The following GAGE10 variants were observed in gnomAD, a reference collection of about 807,000 sequenced individuals.
GAGE10 encodes the protein G antigen 10.
In GAGE10, 9 loss-of-function variants were observed where a neutral mutation model predicts 11.5. That is an observed-to-expected ratio of 0.78 (90% CI 0.47 to 1.37). The LOEUF is 1.37. Among genes scored for constraint, GAGE10 ranks in the 40% most tolerant of loss-of-function variants. GAGE10 has a pLI of 0.00. For synonymous variants in GAGE10, 23 were observed against 29.7 expected (o/e 0.77, Z 0.73); for missense variants, 83 against 92.9 (o/e 0.89, Z 0.44).
chrX:49,308,184 A>G (rs1156716771), intron 3 of GAGE10, among the ~76,000 whole-genome samples: 3 of 112,510 alleles, frequency 2.7e-5, no homozygotes, highest in Non-Finnish European at 5.6e-5. Context: ...TTGGATGTTA[A>G]TCTGACTAGG....
At chrX:49,310,794 A>G (rs782405957) in intron 3 of GAGE10, among the ~76,000 whole-genome samples, 29 of 111,165 alleles carry the variant, frequency 2.6e-4, no homozygotes, top group African/African-American at 9.2e-4. Context: ...CGTAGGGGGT[A>G]CAGGGGCCAA....
At chrX:49,316,817 T>G (rs1299941342) in intron 3 of GAGE10, among the ~76,000 whole-genome samples, 1 of 111,316 alleles carries the variant, frequency 9.0e-6, no homozygotes, top group Non-Finnish European at 1.9e-5. Flanking sequence ...TCATGCCATA[T>G]AACAGTCTAA....
intron 1 of GAGE10, among the ~76,000 whole-genome samples, chrX:49,304,109 C>T (rs1340514201): frequency 9.0e-6 from 1 of 111,677 alleles, no homozygotes; most frequent in East Asian, 2.8e-4. Flanking sequence ...CAGGAATACC[C>T]GATACAGGGG....
intron 3 of GAGE10, among the ~76,000 whole-genome samples, chrX:49,310,459 A>G (rs1557124606): frequency 2.7e-5 from 3 of 111,699 alleles, no homozygotes; most frequent in African/African-American, 9.8e-5. Flanking sequence ...AGAGAGATTA[A>G]TGTGCACGGT....
At chrX:49,307,806 G>T (rs181491175) in intron 3 of GAGE10, among the ~76,000 whole-genome samples, 1 of 112,280 alleles carries the variant, frequency 8.9e-6, no homozygotes, top group Admixed American at 9.5e-5. Context: ...AGAAATTAAA[G>T]AATGTGTAAG....
chrX:49,308,868 C>T (rs1235877895), intron 3 of GAGE10, among the ~76,000 whole-genome samples: 1 of 111,419 alleles, frequency 9.0e-6, no homozygotes, highest in Non-Finnish European at 1.9e-5. Flanking sequence ...CCTAACTAGG[C>T]TCACCCAGGA....
At chrX:49,307,165 A>G (rs2066360173) in intron 3 of GAGE10, among the ~76,000 whole-genome samples, 1 of 111,798 alleles carries the variant, frequency 8.9e-6, no homozygotes, top group Admixed American at 9.5e-5. Context: ...CCAATTGTTA[A>G]TAGCTTTCGC....
In GAGE10 at chrX:49,305,280, G is replaced by A. The variant is rs182512478; in HGVS notation, c.82-124G>A. The A allele has an allele frequency of 7.2e-4, 813 of 1,137,042 alleles. 6 individuals carry two copies. The East Asian group carries it at 0.021, about 30-fold the overall frequency. The allele number at this position is 1,137,042 out of a possible 1,213,427, so 93.7% of individuals were successfully genotyped here. A position where few individuals can be genotyped will look rare whatever the true frequency, so the allele number is the denominator to read the frequency against. On this transcript the variant is annotated intron_variant, in intron 2 of 4. Coordinates refer to ENST00000407599, the MANE Select transcript of GAGE10 (RefSeq NM_001098413.4). ...AACCTTATTGGGCATAGAGCATAGA[G>A]TTGGAGAAATGTCTTTAGGCTTAGT...
chrX:49,308,101 C>T (rs1199573554), intron 3 of GAGE10, among the ~76,000 whole-genome samples: 1 of 112,267 alleles, frequency 8.9e-6, no homozygotes, highest in African/African-American at 3.2e-5. Context: ...AATATGCTTC[C>T]CCTGCACAGA....
chrX:49,307,794 A>G (rs1170881480), intron 3 of GAGE10, among the ~76,000 whole-genome samples: 2 of 112,390 alleles, frequency 1.8e-5, no homozygotes, highest in Non-Finnish European at 3.8e-5. Context: ...ACAGGAATTA[A>G]AAGAAATTAA....
chrX:49,317,387 C>A (rs1256492346), intron 4 of GAGE10, 99 bp downstream of exon 4: 84 of 1,094,088 alleles, frequency 7.7e-5, no homozygotes, highest in Non-Finnish European at 9.8e-5. Flanking sequence ...TTGCTCTGTC[C>A]ACCAGGCTGG....
chrX:49,306,734 T>C (rs1257334764), intron 3 of GAGE10, among the ~76,000 whole-genome samples: 2 of 111,876 alleles, frequency 1.8e-5, no homozygotes, highest in Non-Finnish European at 3.8e-5. Context: ...TGTGCACGCA[T>C]AGTCCCAGCT....
At chrX:49,317,581 C>A (rs1226446466) in intron 4 of GAGE10, among the ~76,000 whole-genome samples, 5 of 111,542 alleles carry the variant, frequency 4.5e-5, no homozygotes, top group Non-Finnish European at 9.4e-5. Flanking sequence ...CTCCTGACCT[C>A]AGGTGATCCA....
intron 3 of GAGE10, among the ~76,000 whole-genome samples, chrX:49,314,495 A>G (rs2066384922): frequency 8.9e-6 from 1 of 112,551 alleles, no homozygotes; most frequent in Non-Finnish European, 1.9e-5. Context: ...AGACAAGGAC[A>G]TGCAATCCTT....
chrX:49,306,617 T>C (rs782247480), intron 3 of GAGE10, among the ~76,000 whole-genome samples: 68 of 111,772 alleles, frequency 6.1e-4, no homozygotes, highest in Non-Finnish European at 1.1e-3. Flanking sequence ...TCTTAGCTGA[T>C]GCACACTGCT....
intron 4 of GAGE10, 92 bp downstream of exon 4, chrX:49,317,380 C>A (rs781932937): frequency 3.1e-5 from 34 of 1,106,165 alleles, no homozygotes; most frequent in Middle Eastern, 5.4e-4. Flanking sequence ...TGGAGTCTTG[C>A]TCTGTCCACC....
In GAGE10 at chrX:49,312,830, C is replaced by T. The variant is rs782423281; in HGVS notation, c.203-4333C>T. On this transcript the variant is annotated intron_variant, in intron 3 of 4. Coordinates refer to ENST00000407599, the MANE Select transcript of GAGE10 (RefSeq NM_001098413.4). ...CACACATTGGAAGGACGACTAGAAA[C>T]TTTGATAGGTCGGCATTTCTATGTG... is the stretch of plus-strand genomic sequence containing the variant. Among the ~76,000 whole-genome samples the T allele has an allele frequency of 1.7e-3, 196 of 112,793 alleles. No homozygotes were observed. In the Middle Eastern group the frequency reaches 0.023, roughly 13 times the overall value.
At chrX:49,308,615 C>T (rs1273995806) in intron 3 of GAGE10, among the ~76,000 whole-genome samples, 2 of 112,211 alleles carry the variant, frequency 1.8e-5, no homozygotes, top group East Asian at 5.6e-4. Context: ...AGTGGCCTGC[C>T]AATTTGGATG....
intron 3 of GAGE10, among the ~76,000 whole-genome samples, chrX:49,306,771 G>C (rs1307502810): frequency 9.0e-6 from 1 of 111,550 alleles, no homozygotes; most frequent in Non-Finnish European, 1.9e-5. Context: ...TGAGAGGATT[G>C]CTTGAGCCCT....
Sources: allele counts gnomAD v4.1 joint callset (sites outside exome capture counted in the v4.1 genomes callset), GRCh38; gene constraint gnomAD v4.1.1; transcripts MANE v1.5; gene names NCBI Gene and HGNC (gene_info 2026-07-23, HGNC 2026-07-21).